The following PLA2G12A variants were observed in gnomAD, a reference collection of about 807,000 sequenced individuals.
The protein encoded by PLA2G12A is phospholipase A2 group XIIA.
In PLA2G12A, 11 loss-of-function variants were observed where a neutral mutation model predicts 16.0. The observed-to-expected ratio is 0.69, with a 90% CI of 0.43 to 1.13. The LOEUF is 1.13. PLA2G12A is among the 50% of genes most tolerant of loss of function. The pLI is 0.00. For synonymous variants in PLA2G12A, 77 were observed against 93.8 expected, an observed-to-expected ratio of 0.82 and a Z score of 1.03; for missense variants, 214 against 237.3, an observed-to-expected ratio of 0.90 and a Z score of 0.65.
rs1723009990 is a variant in PLA2G12A at position 109,729,676 on chromosome 4, A to G, written c.134T>C (p.Ile45Thr). The G allele has an allele frequency of 1.2e-6, 2 of 1,611,796 alleles. No individual in the cohort carries two copies. The highest frequency in any genetic ancestry group is 1.7e-6 in the Non-Finnish European group (2 of 1,179,776). ...LKTIRNGVHK[I>T]DTYLNAALDL... ...CAAGGCGGCGTTCAGGTACGTGTCTATCTTATGAACGCCGTTCCGGATGGT... is the reference window on the plus strand; with the variant it reads ...CAAGGCGGCGTTCAGGTACGTGTCTGTCTTATGAACGCCGTTCCGGATGGT... Residue 45 changes from isoleucine to threonine, a missense_variant, in exon 1 of 4, where the codon ATA (isoleucine) becomes ACA (threonine). By Grantham distance (89) the Ile-to-Thr change is moderately conservative (BLOSUM62 -1). Coordinates refer to ENST00000243501, the MANE Select transcript of PLA2G12A (RefSeq NM_030821.5).
At chr4:109,723,664 A>C (rs1202597455) in intron 1 of PLA2G12A, among the ~76,000 whole-genome samples, 1 of 152,218 alleles carries the variant, frequency 6.6e-6, no homozygotes, top group Non-Finnish European at 1.5e-5. Context: ...TTCATCATGA[A>C]ACTCTCTTTC....
At chr4:109,722,551 A>T (rs764818665) in intron 1 of PLA2G12A, among the ~76,000 whole-genome samples, 12 of 152,234 alleles carry the variant, frequency 7.9e-5, no homozygotes, top group Non-Finnish European at 1.8e-4. Flanking sequence ...GGTGCCATCT[A>T]TGAACAAGGA....
intron 1 of PLA2G12A, among the ~76,000 whole-genome samples, chr4:109,723,665 ACT>A (rs1722861265): frequency 6.6e-6 from 1 of 152,168 alleles, no homozygotes; most frequent in Admixed American, 6.5e-5. Context: ...TCATCATGAA[ACT>A]CTCTTTCGTC....
In PLA2G12A at chr4:109,729,602, C is replaced by T. The variant is rs1435675345; in HGVS notation, c.208G>A (p.Gly70Arg). ...DGLCQYKCSDGSKPFPRYGYK... is the reference protein window; with the variant it reads ...DGLCQYKCSDRSKPFPRYGYK... ...TCGCTGGGCCCGGGTGCCCCCTCAC[C>T]GTCACTGCATTTATACTGGCAGAGA... The change falls in exon 1 of 4, where the codon GGA becomes AGA. Residue 70 changes from glycine (G) to arginine (R), a missense_variant and splice_region_variant. Gly to Arg is a moderately radical substitution (Grantham distance 125). Transcript: ENST00000243501. 6.2e-7 allele frequency: 1 copy of T among 1,606,310 alleles called. No homozygotes were observed. Among genetic ancestry groups the T allele is most frequent in the South Asian group, 1.1e-5 (1 of 90,844 alleles).
chr4:109,728,896 GAACT>G (rs901272673), intron 1 of PLA2G12A, among the ~76,000 whole-genome samples: 1 of 152,124 alleles, frequency 6.6e-6, no homozygotes, highest in Non-Finnish European at 1.5e-5. Flanking sequence ...TGCTACAAAA[GAACT>G]ATCTCTGCCT....
intron 1 of PLA2G12A, among the ~76,000 whole-genome samples, chr4:109,728,102 C>A (rs1332124849): frequency 2.0e-5 from 3 of 152,218 alleles, no homozygotes; most frequent in Non-Finnish European, 4.4e-5. Context: ...CCTCCCCTTA[C>A]CACGTGCAGA....
rs201944228 is a variant in PLA2G12A, at chr4:109,720,604, AATATATATATATATATATATATAT to A, written c.209-1869_209-1846del. 2.9e-3 allele frequency among the ~76,000 whole-genome samples: 103 copies of A among 35,584 alleles called. 2 individuals carry two copies. Among genetic ancestry groups the A allele is most frequent in the East Asian group, 0.012 (17 of 1,448 alleles). 23.3% of individuals were successfully genotyped at this position (35,584 alleles called of 152,430 possible). On this transcript the variant is annotated intron_variant, in intron 1 of 3. Coordinates refer to ENST00000243501, the MANE Select transcript of PLA2G12A (RefSeq NM_030821.5). ...AAAAAAAAAAAAAAAAAAAAAAAAA[AATATATATATATATATATATATAT>A]ATATATATATATATATGAATTTTAA... is the stretch of plus-strand genomic sequence containing the variant.
chr4:109,714,330 A>T lies in PLA2G12A; in HGVS notation c.*47T>A. On this transcript the variant is annotated 3_prime_UTR_variant, in exon 4 of 4. Transcript: ENST00000243501. ...TGTAAAAACATTAGTTATTTGTCAA[A>T]GGTATGTTCTTCCATCTTCATCTGT... is the stretch of plus-strand genomic sequence containing the variant. 2.0e-6 allele frequency: 2 copies of T among 993,940 alleles called. No homozygotes were observed. Among genetic ancestry groups the T allele is most frequent in the Non-Finnish European group, 2.9e-6 (2 of 678,718 alleles). 61.6% of individuals were successfully genotyped at this position (993,940 alleles called of 1,614,324 possible).
intron 1 of PLA2G12A, among the ~76,000 whole-genome samples, chr4:109,721,376 C>T (rs1488690061): frequency 6.7e-6 from 1 of 149,292 alleles, no homozygotes; most frequent in Non-Finnish European, 1.5e-5. Context: ...AGCTGGAGTG[C>T]AATGGCGCGA....
rs1473409816 is a variant in PLA2G12A, at chr4:109,711,176, C to A, written c.*3201G>T. 1.3e-5 allele frequency: 2 copies of A among 150,118 alleles called. No individual in the cohort carries two copies. Among genetic ancestry groups the A allele is most frequent in the Non-Finnish European group, 2.9e-5 (2 of 67,856 alleles). The allele number at this position is 150,118 out of a possible 1,614,324, so 9.3% of individuals were successfully genotyped here. A position where few individuals can be genotyped will look rare whatever the true frequency, so the allele number is the denominator to read the frequency against. On this transcript the variant is annotated 3_prime_UTR_variant, in exon 4 of 4. Coordinates refer to ENST00000243501, the MANE Select transcript of PLA2G12A (RefSeq NM_030821.5). The stretch of plus-strand genomic sequence containing the variant: ...GGGACAAATTTTGAGTTGAAGACGG[C>A]AGTACAAACTCATGTTTAGCTTTGT...
At chr4:109,727,967 A>G (rs1722973506) in intron 1 of PLA2G12A, among the ~76,000 whole-genome samples, 1 of 152,242 alleles carries the variant, frequency 6.6e-6, no homozygotes, top group Non-Finnish European at 1.5e-5. Flanking sequence ...GTAAATGGCA[A>G]CCGTTTCCTT....
chr4:109,718,826 G>T, intron 1 of PLA2G12A, 67 bp from the exon 2 acceptor site: 1 of 1,039,358 alleles, frequency 9.6e-7, no homozygotes, highest in South Asian at 1.6e-5. Context: ...TACTCAAAAA[G>T]GTCAATATGC....
Position 109,729,785 on chromosome 4 carries a change from G to A in PLA2G12A, c.25C>T (p.Leu9Phe), listed in dbSNP as rs757278235. MALLSRPALTLLLLLMAAV... is the reference protein window; with the variant it reads MALLSRPAFTLLLLLMAAV... ...GCCATGAGGAGGAGCAGGAGGGTGA[G>A]CGCGGGGCGCGAGAGCAGGGCCATG... Residue 9 changes from leucine to phenylalanine, a missense_variant, in exon 1 of 4, where the codon CTC (leucine) becomes TTC (phenylalanine). Transcript: ENST00000243501. 35 of 1,556,626 alleles carry A rather than the reference G, an allele frequency of 2.2e-5. No individual in the cohort carries two copies. In the South Asian group the frequency reaches 3.4e-4, roughly 15 times the overall value.
intron 1 of PLA2G12A, among the ~76,000 whole-genome samples, chr4:109,728,182 C>A (rs189144586): frequency 1.3e-5 from 2 of 152,292 alleles, no homozygotes; most frequent in East Asian, 3.9e-4. Flanking sequence ...TAAATTGCCT[C>A]CAACATGGCC....
At position 109,729,886 on chromosome 4, in the gene PLA2G12A, GGCAGCGGCGCGGGCCCCGGA is replaced by G. The variant is rs1338195419; in HGVS notation, c.-97_-78del. ...CCCACAGAGTCCCCAGGACGCGCTA[GGCAGCGGCGCGGGCCCCGGA>G]CTTGGCAGCAGCCAGCTCCATATCC... On this transcript the variant is annotated 5_prime_UTR_variant, in exon 1 of 4. The change abolishes the stop of an existing upstream ORF in the 5' untranslated region. Coordinates refer to ENST00000243501, the MANE Select transcript of PLA2G12A (RefSeq NM_030821.5). 2.6e-5 allele frequency: 34 copies of G among 1,326,312 alleles called. No individual in the cohort carries two copies. The highest frequency in any genetic ancestry group is 3.1e-5 in the Non-Finnish European group (31 of 999,654). 82.2% of individuals were successfully genotyped at this position (1,326,312 alleles called of 1,614,324 possible). A position where few individuals can be genotyped will look rare whatever the true frequency, so the allele number is the denominator to read the frequency against.
At chr4:109,714,751 T>C (rs1730796774) in intron 3 of PLA2G12A, among the ~76,000 whole-genome samples, 1 of 151,036 alleles carries the variant, frequency 6.6e-6, no homozygotes, top group South Asian at 2.1e-4. Context: ...TTTTTTTTTT[T>C]TGAGACAGGG....
In PLA2G12A at chr4:109,713,138, G is replaced by C. The variant is rs1293192920; in HGVS notation, c.*1239C>G. On this transcript the variant is annotated 3_prime_UTR_variant, in exon 4 of 4. Transcript: ENST00000243501. Reference sequence around the variant, plus strand: ...AAAGTCAGTTCATCTTAATAACTTTGGCCATGGGTCACCCAAAGGATATAT... The same window carrying C: ...AAAGTCAGTTCATCTTAATAACTTTCGCCATGGGTCACCCAAAGGATATAT... 2.0e-5 allele frequency: 3 copies of C among 152,256 alleles called. No individual in the cohort carries two copies. 9.4% of individuals were successfully genotyped at this position (152,256 alleles called of 1,614,324 possible).
At chr4:109,719,680 G>T (rs1244877694) in intron 1 of PLA2G12A, among the ~76,000 whole-genome samples, 1 of 151,878 alleles carries the variant, frequency 6.6e-6, no homozygotes, top group Non-Finnish European at 1.5e-5. Context: ...AAATTTTTTT[G>T]GTTTTCCAGT....
At position 109,713,136 on chromosome 4, in the gene PLA2G12A, T is replaced by G. The variant is rs895362025; in HGVS notation, c.*1241A>C. The stretch of plus-strand genomic sequence containing the variant: ...TGAAAGTCAGTTCATCTTAATAACT[T>G]TGGCCATGGGTCACCCAAAGGATAT... On this transcript the variant is annotated 3_prime_UTR_variant, in exon 4 of 4. Coordinates refer to ENST00000243501, the MANE Select transcript of PLA2G12A (RefSeq NM_030821.5). The G allele has an allele frequency of 6.6e-6, 1 of 152,210 alleles. No individual in the cohort carries two copies. Among genetic ancestry groups the G allele is most frequent in the African/African-American group, 2.4e-5 (1 of 41,454 alleles). 9.4% of individuals were successfully genotyped at this position (152,210 alleles called of 1,614,324 possible).
Sources: allele counts gnomAD v4.1 joint callset (sites outside exome capture counted in the v4.1 genomes callset), GRCh38; gene constraint gnomAD v4.1.1; transcripts MANE v1.5; gene names NCBI Gene and HGNC (gene_info 2026-07-23, HGNC 2026-07-21).